The following SH2D4A variants were observed in gnomAD, a reference collection of about 807,000 sequenced individuals.
SH2D4A encodes the protein SH2 domain-containing protein 4A.
A neutral mutation model predicts 64.7 loss-of-function variants in SH2D4A; 70 were observed. The ratio of observed to expected loss-of-function variants is 1.08; its 90% confidence interval spans 0.89 to 1.32. SH2D4A has a LOEUF of 1.32. Ranked by LOEUF, SH2D4A falls within the 40% of genes most tolerant of loss-of-function variation. SH2D4A has a pLI of 0.00. For synonymous variants in SH2D4A, 268 were observed against 200.7 expected, an observed-to-expected ratio of 1.34 and a Z score of -2.83; for missense variants, 706 against 540.1, an observed-to-expected ratio of 1.31 and a Z score of -3.04.
intron 8 of SH2D4A, among the ~76,000 whole-genome samples, chr8:19,374,296 A>G (rs2153650160): frequency 6.6e-6 from 1 of 152,176 alleles, no homozygotes; most frequent in East Asian, 1.9e-4. Flanking sequence ...TCTTCCACCC[A>G]GCAGATACTT....
At chr8:19,331,328 C>A (rs986051490) in intron 2 of SH2D4A, among the ~76,000 whole-genome samples, 1 of 152,134 alleles carries the variant, frequency 6.6e-6, no homozygotes, top group Admixed American at 6.5e-5. Flanking sequence ...CAAACAGGGC[C>A]CAGCACACAC....
At chr8:19,340,871 T>G (rs1585159433) in intron 4 of SH2D4A, among the ~76,000 whole-genome samples, 2 of 152,282 alleles carry the variant, frequency 1.3e-5, no homozygotes, top group Middle Eastern at 6.8e-3. Flanking sequence ...GTGCTGGAAT[T>G]ACAGGTGTGA....
chr8:19,382,651 T>A (rs955095304), intron 8 of SH2D4A, among the ~76,000 whole-genome samples: 8 of 152,108 alleles, frequency 5.3e-5, no homozygotes, highest in Admixed American at 2.0e-4. Context: ...TCTCAACTTA[T>A]GCTGGGTTTA....
At chr8:19,368,207 A>C (rs556392941) in intron 7 of SH2D4A, among the ~76,000 whole-genome samples, 1 of 151,948 alleles carries the variant, frequency 6.6e-6, no homozygotes, top group Admixed American at 6.5e-5. Context: ...ATTCTGTTTC[A>C]TTGTTTATGT....
chr8:19,322,612 C>CTTT (rs33946166), intron 2 of SH2D4A, among the ~76,000 whole-genome samples: 2 of 126,776 alleles, frequency 1.6e-5, no homozygotes, highest in African/African-American at 6.0e-5. Flanking sequence ...GTCTATTATT[C>CTTT]TTTTTTTTTT....
intron 9 of SH2D4A, among the ~76,000 whole-genome samples, chr8:19,394,088 TC>T: frequency 6.6e-6 from 1 of 152,242 alleles, no homozygotes; most frequent in East Asian, 1.9e-4. Context: ...CATTAGATTT[TC>T]CTAAGGAGCG....
chr8:19,367,683 G>C (rs1001573521), intron 7 of SH2D4A, among the ~76,000 whole-genome samples: 5 of 152,106 alleles, frequency 3.3e-5, no homozygotes, highest in Non-Finnish European at 7.4e-5. Flanking sequence ...TCTTTACTCT[G>C]TTGATTGTTT....
chr8:19,378,000 C>T lies in SH2D4A; in HGVS notation c.1048+4340C>T, dbSNP rs114474547. Among the ~76,000 whole-genome samples, 373 of 152,240 alleles carry T rather than the reference C, an allele frequency of 2.5e-3. 1 individual carries two copies. The highest frequency in any genetic ancestry group is 8.4e-3 in the African/African-American group (350 of 41,544). The stretch of plus-strand genomic sequence containing the variant: ...TACTGCCAGATTCTCATTTTCCATT[C>T]CTCACAATGGAATCTTCTTATTTTA... On this transcript the variant is annotated intron_variant, in intron 8 of 9. Coordinates refer to ENST00000265807, the MANE Select transcript of SH2D4A (RefSeq NM_022071.4).
At chr8:19,369,640 T>G (rs1172890566) in intron 7 of SH2D4A, among the ~76,000 whole-genome samples, 8 of 152,104 alleles carry the variant, frequency 5.3e-5, no homozygotes, top group Non-Finnish European at 1.2e-4. Flanking sequence ...GATAATAGTC[T>G]CTAGTGATCT....
chr8:19,338,500 A>C (rs2052478236), intron 4 of SH2D4A, among the ~76,000 whole-genome samples: 1 of 152,214 alleles, frequency 6.6e-6, no homozygotes, highest in African/African-American at 2.4e-5. Context: ...TAATCGCATG[A>C]GTCCTTAAAG....
chr8:19,347,620 A>C (rs145257925), intron 4 of SH2D4A, among the ~76,000 whole-genome samples: 1 of 152,356 alleles, frequency 6.6e-6, no homozygotes, highest in East Asian at 1.9e-4. Context: ...GACCTTGAAT[A>C]AAACTATATC....
At chr8:19,351,472 A>C (rs2052703609) in intron 4 of SH2D4A, among the ~76,000 whole-genome samples, 1 of 151,984 alleles carries the variant, frequency 6.6e-6, no homozygotes. Flanking sequence ...GCGTGCTGGC[A>C]GGCGCCTGTA....
chr8:19,346,573 T>C (rs541523930), intron 4 of SH2D4A, among the ~76,000 whole-genome samples: 2 of 152,206 alleles, frequency 1.3e-5, no homozygotes, highest in African/African-American at 4.8e-5. Context: ...GTAATGCACT[T>C]GAATCATCCC....
intron 6 of SH2D4A, chr8:19,363,860 C>G (rs2052936128): frequency 1.7e-6 from 1 of 576,712 alleles, no homozygotes; most frequent in African/African-American, 1.9e-5. Context: ...TCAGAAAACC[C>G]CCAGTCCTGT....
chr8:19,370,277 A>G (rs2053073223), intron 7 of SH2D4A, among the ~76,000 whole-genome samples: 1 of 152,020 alleles, frequency 6.6e-6, no homozygotes, highest in Non-Finnish European at 1.5e-5. Context: ...GGTACATTCT[A>G]GAGTGTGGTT....
intron 2 of SH2D4A, among the ~76,000 whole-genome samples, chr8:19,320,992 C>T (rs1171251876): frequency 1.9e-4 from 29 of 152,134 alleles, no homozygotes; most frequent in Non-Finnish European, 7.4e-5. Flanking sequence ...TTTATTAAAA[C>T]TTTTTTCCAG....
Position 19,357,242 on chromosome 8 carries a change from G to A in SH2D4A, c.553G>A (p.Ala185Thr), listed in dbSNP as rs1212559786. ...TTCAAGAAATATTCAACAAATGTTG[G>A]CAGATTCAATCAATCGTATGAAGGC... is the stretch of plus-strand genomic sequence containing the variant. The part of the protein sequence containing the change: ...SSSRNIQQML[A>T]DSINRMKAYA... The change falls in exon 5 of 10, where the codon GCA becomes ACA. Residue 185 changes from alanine to threonine, a missense_variant. Ala to Thr is a moderately conservative substitution (Grantham distance 58, BLOSUM62 0). Transcript: ENST00000265807. 9 of 1,613,952 alleles carry A rather than the reference G, an allele frequency of 5.6e-6. No individual in the cohort carries two copies. The highest frequency in any genetic ancestry group is 7.6e-6 in the Non-Finnish European group (9 of 1,179,862).
At chr8:19,391,845 G>A (rs975370103) in intron 8 of SH2D4A, among the ~76,000 whole-genome samples, 1 of 152,218 alleles carries the variant, frequency 6.6e-6, no homozygotes. Context: ...GCAGCCCCTT[G>A]CCTTTTCCTG....
chr8:19,369,808 A>G (rs2053063844), intron 7 of SH2D4A, among the ~76,000 whole-genome samples: 1 of 151,942 alleles, frequency 6.6e-6, no homozygotes, highest in African/African-American at 2.4e-5. Context: ...TGTAGTCTCT[A>G]TTTTATCTAT....
Sources: allele counts gnomAD v4.1 joint callset (sites outside exome capture counted in the v4.1 genomes callset), GRCh38; gene constraint gnomAD v4.1.1; transcripts MANE v1.5; gene names NCBI Gene and HGNC (gene_info 2026-07-23, HGNC 2026-07-21).